Variants in ANO10 observed in about 807,000 individuals in gnomAD.
The protein encoded by ANO10 is anoctamin-10.
Under a neutral mutation model 74.7 loss-of-function variants are expected in ANO10, and 77 were observed. The ratio of observed to expected loss-of-function variants is 1.03; its 90% CI spans 0.86 to 1.25. The LOEUF (loss-of-function observed/expected upper bound fraction) is 1.25. ANO10 is among the 50% of genes most tolerant of loss of function. The pLI is 0.00. For missense variants in ANO10, 721 were observed against 778.1 expected (o/e 0.93, Z 0.87); for synonymous variants, 279 against 284.9 (o/e 0.98, Z 0.21).
chr3:43,552,182 C>G (rs955901450), intron 10 of ANO10, among the ~76,000 whole-genome samples: 2 of 152,130 alleles, frequency 1.3e-5, no homozygotes, highest in Non-Finnish European at 2.9e-5. Context: ...GAGTGAAGCA[C>G]AGAAACCTTA....
At chr3:43,645,122 A>C (rs1377509522) in intron 1 of ANO10, among the ~76,000 whole-genome samples, 1 of 152,220 alleles carries the variant, frequency 6.6e-6, no homozygotes, top group East Asian at 1.9e-4. Context: ...TCAGTGATTC[A>C]ACTTGATTAT....
At chr3:43,483,771 G>A (rs925008890) in intron 11 of ANO10, among the ~76,000 whole-genome samples, 1 of 152,182 alleles carries the variant, frequency 6.6e-6, no homozygotes, top group Non-Finnish European at 1.5e-5. Flanking sequence ...CATGGAAGGT[G>A]TACATTGGTT....
intron 12 of ANO10, among the ~76,000 whole-genome samples, chr3:43,414,203 A>G (rs1403498136): frequency 1.3e-5 from 2 of 152,220 alleles, no homozygotes; most frequent in East Asian, 3.8e-4. Context: ...TTCAGATAAC[A>G]TCAGTTCAAA....
intron 11 of ANO10, among the ~76,000 whole-genome samples, chr3:43,495,185 T>C (rs2076870413): frequency 6.6e-6 from 1 of 151,704 alleles, no homozygotes; most frequent in Admixed American, 6.6e-5. Flanking sequence ...CTTTGGAAAA[T>C]ATGAAGTTGG....
intron 1 of ANO10, among the ~76,000 whole-genome samples, chr3:43,682,174 G>T (rs1421853418): frequency 3.9e-5 from 6 of 152,090 alleles, no homozygotes; most frequent in Admixed American, 2.0e-4. Context: ...AAAATTGATA[G>T]ACCGCTAGCA....
In ANO10 at chr3:43,621,995, G is replaced by GC. The variant is rs1315260732; in HGVS notation, c.-99_-98insG. Reference sequence around the variant, plus strand: ...CGGGCGAAAGAGTGCTCGGTGCGGGGGGCGGGCCAGGCCAGTGGGGCGGGC... The same window carrying GC: ...CGGGCGAAAGAGTGCTCGGTGCGGGGCGGCGGGCCAGGCCAGTGGGGCGGGC... On this transcript the variant is annotated 5_prime_UTR_variant, in exon 1 of 13. Transcript: ENST00000292246. 10 of 152,732 alleles carry GC rather than the reference G, an allele frequency of 6.5e-5. No homozygotes were observed. Among genetic ancestry groups the GC allele is most frequent in the African/African-American group, 2.4e-4 (10 of 41,466 alleles). The allele number at this position is 152,732 out of a possible 1,614,324, so 9.5% of individuals were successfully genotyped here. A position where few individuals can be genotyped will look rare whatever the true frequency, so the allele number is the denominator to read the frequency against.
At chr3:43,575,143 G>A (rs41289584) in intron 6 of ANO10, among the ~76,000 whole-genome samples, 1,616 of 152,152 alleles carry the variant, frequency 0.011, 13 homozygotes, top group Non-Finnish European at 0.017. Flanking sequence ...CCTACAGACA[G>A]CCACCCAAAG....
chr3:43,654,335 C>T (rs2083822702), intron 1 of ANO10, among the ~76,000 whole-genome samples: 1 of 151,972 alleles, frequency 6.6e-6, no homozygotes, highest in African/African-American at 2.4e-5. Context: ...CTTTTCCGAC[C>T]CCTAGATAAC....
intron 4 of ANO10, among the ~76,000 whole-genome samples, chr3:43,588,797 T>C (rs182147657): frequency 3.0e-3 from 452 of 152,186 alleles, no homozygotes; most frequent in South Asian, 0.017. Flanking sequence ...AAAGGTGCAA[T>C]AGACAATAAA....
At chr3:43,603,310 G>A (rs1288535312) in intron 2 of ANO10, among the ~76,000 whole-genome samples, 1 of 151,978 alleles carries the variant, frequency 6.6e-6, no homozygotes, top group Non-Finnish European at 1.5e-5. Context: ...TCTCTTTCTA[G>A]AACTCCTTTT....
intron 4 of ANO10, among the ~76,000 whole-genome samples, 182 bp from the exon 5 acceptor site, chr3:43,580,654 T>C (rs929698404): frequency 4.6e-5 from 7 of 152,216 alleles, no homozygotes; most frequent in African/African-American, 1.7e-4. Flanking sequence ...ACTATTCTCT[T>C]TGACTATGAA....
At chr3:43,381,700 A>C (rs2091963458) in intron 12 of ANO10, among the ~76,000 whole-genome samples, 1 of 152,236 alleles carries the variant, frequency 6.6e-6, no homozygotes, top group East Asian at 1.9e-4. Flanking sequence ...GACTTAAACT[A>C]TACCCTAGAA....
intron 12 of ANO10, among the ~76,000 whole-genome samples, chr3:43,371,722 G>T (rs2091619019): frequency 6.6e-6 from 1 of 152,176 alleles, no homozygotes; most frequent in Non-Finnish European, 1.5e-5. Flanking sequence ...CACTGACATG[G>T]CCCTGGGGAC....
intron 1 of ANO10, chr3:43,691,122 C>A: frequency 7.6e-7 from 1 of 1,314,522 alleles, no homozygotes; most frequent in Non-Finnish European, 9.8e-7. Flanking sequence ...CGGGCAGCAC[C>A]AAGGAGTCGC....
At chr3:43,684,262 T>G (rs538404666) in intron 1 of ANO10, among the ~76,000 whole-genome samples, 1 of 151,968 alleles carries the variant, frequency 6.6e-6, no homozygotes, top group South Asian at 2.1e-4. Context: ...CATCAAAAAG[T>G]GGGTGAAGGA....
intron 1 of ANO10, among the ~76,000 whole-genome samples, chr3:43,630,158 G>A (rs1317818438): frequency 6.6e-6 from 1 of 152,146 alleles, no homozygotes; most frequent in East Asian, 1.9e-4. Context: ...GTTGATGCTA[G>A]ATCAAGTAAG....
chr3:43,588,669 G>C (rs528976939), intron 4 of ANO10, among the ~76,000 whole-genome samples: 11 of 151,752 alleles, frequency 7.2e-5, no homozygotes, highest in East Asian at 5.8e-4. Context: ...AAAGTAAAAG[G>C]CTGGGCAAAA....
At chr3:43,550,328 TC>T (rs1259529826) in intron 10 of ANO10, among the ~76,000 whole-genome samples, 1 of 152,244 alleles carries the variant, frequency 6.6e-6, no homozygotes, top group Non-Finnish European at 1.5e-5. Flanking sequence ...GTGATCCTTT[TC>T]TAGCATCATT....
Position 43,449,515 on chromosome 3 carries a change from CTTTTTTTTTTT to C in ANO10, c.1798-16799_1798-16789del, listed in dbSNP as rs61265406. On this transcript the variant is annotated intron_variant, in intron 11 of 12. Coordinates refer to ENST00000292246, the MANE Select transcript of ANO10 (RefSeq NM_018075.5). ...AAGGTATAAGGTCCCTATCTAGATT[CTTTTTTTTTTT>C]TTTTTTTTTGTATGTGATGTCCAGT... Among the ~76,000 whole-genome samples, 3 of 107,124 alleles carry C rather than the reference CTTTTTTTTTTT, an allele frequency of 2.8e-5. No individual in the cohort carries two copies. In the South Asian group the frequency reaches 1.0e-3, roughly 36 times the overall value. 70.3% of individuals were successfully genotyped at this position (107,124 alleles called of 152,430 possible).
Sources: allele counts gnomAD v4.1 joint callset (sites outside exome capture counted in the v4.1 genomes callset), GRCh38; gene constraint gnomAD v4.1.1; transcripts MANE v1.5; gene names NCBI Gene and HGNC (gene_info 2026-07-23, HGNC 2026-07-21).